The following TNRC6C variants were observed in gnomAD, a reference collection of about 807,000 sequenced individuals.
TNRC6C encodes the protein trinucleotide repeat-containing gene 6C protein.
A neutral mutation model predicts 153.7 loss-of-function variants in TNRC6C; 20 were observed. That is an observed-to-expected ratio of 0.13 (90% CI 0.09 to 0.19). The LOEUF is 0.19. TNRC6C is among the 10% of genes least tolerant of loss of function. The probability of loss-of-function intolerance (pLI) is 1.00; values close to 1 mark genes in which losing one functional copy is unlikely to be tolerated. For synonymous variants in TNRC6C, 811 were observed against 841.4 expected, an observed-to-expected ratio of 0.96 and a Z score of 0.63; for missense variants, 1,987 against 2,172.0, an observed-to-expected ratio of 0.91 and a Z score of 1.69.
intron 11 of TNRC6C, among the ~76,000 whole-genome samples, chr17:78,086,065 C>G (rs1316510704): frequency 6.6e-6 from 1 of 152,018 alleles, no homozygotes; most frequent in Non-Finnish European, 1.5e-5. Flanking sequence ...GGCGCCGTGG[C>G]TCATGCCTGT....
chr17:78,070,601 T>C (rs2072975157), intron 5 of TNRC6C, among the ~76,000 whole-genome samples: 2 of 152,146 alleles, frequency 1.3e-5, no homozygotes, highest in African/African-American at 4.8e-5. Flanking sequence ...GAGCTATAAG[T>C]AACAAATAGT....
At chr17:78,004,807 G>A (rs534324755), upstream of TNRC6C, among the ~76,000 whole-genome samples, 1 of 152,094 alleles carries the variant, frequency 6.6e-6, no homozygotes, top group East Asian at 1.9e-4. Flanking sequence ...ACCTATTAGA[G>A]CCTGTTAAAA....
intron 1 of TNRC6C, among the ~76,000 whole-genome samples, chr17:77,970,525 T>G (rs1474844409): frequency 6.6e-6 from 1 of 152,216 alleles, no homozygotes; most frequent in Non-Finnish European, 1.5e-5. Flanking sequence ...TCAGGAGAGA[T>G]ATATGTTAAA....
chr17:78,051,292 A>G, exon 3 of TNRC6C: 2 of 1,552,136 alleles, frequency 1.3e-6, no homozygotes, highest in East Asian at 2.4e-5. Flanking sequence ...AACTGTAAAC[A>G]TGTGGGATAG....
intron 1 of TNRC6C, among the ~76,000 whole-genome samples, chr17:77,971,599 C>CGAAG (rs1247995811): frequency 2.0e-5 from 3 of 152,056 alleles, no homozygotes. Flanking sequence ...ATTTTGTCTT[C>CGAAG]ACTGATGAAT....
rs1395361767 is a variant in TNRC6C at position 78,092,982 on chromosome 17, T to C, written c.4020T>C (p.Ile1340=). Residue 1340 remains isoleucine (I), a synonymous_variant, in exon 15 of 20, where the codon ATT becomes ATC. Coordinates refer to ENST00000301624, the Ensembl canonical transcript of TNRC6C. Reference sequence around the variant, plus strand: ...TTGGGCCTCCAGGTAAGTCCTCCATTGATGACTCCTATGGCCGGTACGATT... The same window carrying C: ...TTGGGCCTCCAGGTAAGTCCTCCATCGATGACTCCTATGGCCGGTACGATT... 5 of 1,613,802 alleles carry C rather than the reference T, an allele frequency of 3.1e-6. 1 individual carries two copies. Among genetic ancestry groups the C allele is most frequent in the Non-Finnish European group, 4.2e-6 (5 of 1,179,896 alleles).
chr17:78,059,723 C>A (rs956197849), intron 3 of TNRC6C, among the ~76,000 whole-genome samples: 6 of 151,842 alleles, frequency 4.0e-5, no homozygotes, highest in African/African-American at 1.5e-4. Flanking sequence ...GTGGCACACG[C>A]CTCTAGTCCC....
At chr17:78,035,495 T>C (rs1437939227) in intron 2 of TNRC6C, among the ~76,000 whole-genome samples, 1 of 152,190 alleles carries the variant, frequency 6.6e-6, no homozygotes, top group African/African-American at 2.4e-5. Context: ...CTTTGAAATA[T>C]ACAACAAATA....
intron 16 of TNRC6C, 35 bp downstream of exon 18, chr17:78,093,798 G>A (rs373112227): frequency 9.9e-6 from 16 of 1,611,644 alleles, no homozygotes; most frequent in South Asian, 2.2e-5. Flanking sequence ...CTGCATGGAC[G>A]GTCTCTCTAG....
At chr17:78,006,986 C>T (rs1357427511) in intron 1 of TNRC6C, among the ~76,000 whole-genome samples, 1 of 147,900 alleles carries the variant, frequency 6.8e-6, no homozygotes, top group Non-Finnish European at 1.5e-5. Context: ...GGGTTACAGG[C>T]ACGCATGGCC....
intron 5 of TNRC6C, among the ~76,000 whole-genome samples, chr17:78,070,486 G>A (rs1295034067): frequency 6.6e-6 from 1 of 152,144 alleles, no homozygotes; most frequent in African/African-American, 2.4e-5. Context: ...GCTCTTCTGT[G>A]GTGCCGAGCC....
At chr17:78,004,171 GAGAA>G (rs1266433700), upstream of TNRC6C, 154 of 1,231,432 alleles carry the variant, frequency 1.3e-4, no homozygotes, top group Admixed American at 1.4e-3. Flanking sequence ...ATTTAATAGG[GAGAA>G]AGAGCAAGAA....
At chr17:78,102,381 C>G (rs1338044523) in intron 17 of TNRC6C, 93 bp from the exon 21 acceptor site, 2 of 1,186,334 alleles carry the variant, frequency 1.7e-6, no homozygotes, top group African/African-American at 1.5e-5. Context: ...ACGGCCTGTG[C>G]TGTCCCACAC....
chr17:78,009,583 T>G (rs1002875225), intron 1 of TNRC6C, among the ~76,000 whole-genome samples: 1 of 152,158 alleles, frequency 6.6e-6, no homozygotes, highest in African/African-American at 2.4e-5. Flanking sequence ...AGATGGAGTT[T>G]TGCTCTTGTT....
chr17:78,006,832 T>TTTATTTATTTA (rs1555629355), intron 1 of TNRC6C, among the ~76,000 whole-genome samples: 23 of 142,334 alleles, frequency 1.6e-4, no homozygotes, highest in Non-Finnish European at 2.6e-4. Flanking sequence ...TTATTTATTT[T>TTTATTTATTTA]TTTTTTTTTT....
chr17:77,985,567 A>G (rs992983663), intron 1 of TNRC6C, among the ~76,000 whole-genome samples: 1 of 149,276 alleles, frequency 6.7e-6, no homozygotes, highest in Admixed American at 6.7e-5. Context: ...GCGCCACTGC[A>G]CTCCAGCCTG....
At chr17:77,963,553 G>A (rs1353927348) in intron 1 of TNRC6C, among the ~76,000 whole-genome samples, 1 of 152,212 alleles carries the variant, frequency 6.6e-6, no homozygotes, top group African/African-American at 2.4e-5. Context: ...GGAATGGAGA[G>A]CTGTTTGTTA....
chr17:78,018,435 A>G (rs2071770608), intron 1 of TNRC6C, among the ~76,000 whole-genome samples: 1 of 152,040 alleles, frequency 6.6e-6, no homozygotes, highest in African/African-American at 2.4e-5. Context: ...AGCCGGAACC[A>G]TGTTTTTTTA....
At chr17:78,030,325 C>CGTGT (rs60964524) in intron 1 of TNRC6C, among the ~76,000 whole-genome samples, 543 of 149,860 alleles carry the variant, frequency 3.6e-3, no homozygotes, top group South Asian at 9.3e-3. Context: ...TGTGTGTGTG[C>CGTGT]GTGTGTGTGT....
Sources: allele counts gnomAD v4.1 joint callset (sites outside exome capture counted in the v4.1 genomes callset), GRCh38; gene constraint gnomAD v4.1.1; transcripts MANE v1.5; gene names NCBI Gene and HGNC (gene_info 2026-07-23, HGNC 2026-07-21).